ERC2: variants seen among roughly 807,000 people sequenced by gnomAD.
The protein encoded by ERC2 is ELKS/RAB6-interacting/CAST family member 2, also known as ERC protein 2.
In ERC2, 42 loss-of-function variants were observed where a neutral mutation model predicts 114.8. The observed-to-expected ratio is 0.37, with a 90% CI of 0.29 to 0.47. ERC2 has a LOEUF of 0.47. ERC2 is among the 20% of genes least tolerant of loss of function. ERC2 has a pLI of 0.99. For synonymous variants in ERC2, 454 were observed against 425.5 expected (o/e 1.07, Z -0.82); for missense variants, 939 against 1,150.7 (o/e 0.82, Z 2.66).
At chr3:56,005,438 C>T (rs1406775449) in intron 10 of ERC2, among the ~76,000 whole-genome samples, 1 of 152,046 alleles carries the variant, frequency 6.6e-6, no homozygotes, top group Non-Finnish European at 1.5e-5. Context: ...AGAAACTATA[C>T]TGAATTGCAT....
chr3:55,847,727 T>C (rs576203326), intron 14 of ERC2, among the ~76,000 whole-genome samples: 68 of 152,350 alleles, frequency 4.5e-4, no homozygotes, highest in Non-Finnish European at 8.5e-4. Context: ...TATTAAAATG[T>C]TAACAATGAT....
intron 14 of ERC2, among the ~76,000 whole-genome samples, chr3:55,815,876 A>G (rs915870403): frequency 1.3e-5 from 2 of 152,176 alleles, no homozygotes; most frequent in Non-Finnish European, 2.9e-5. Context: ...CTTCGTGAGT[A>G]AGCAGGTTAC....
intron 2 of ERC2, among the ~76,000 whole-genome samples, chr3:56,400,678 AC>A (rs780677577): frequency 9.9e-5 from 15 of 152,128 alleles, no homozygotes; most frequent in Non-Finnish European, 1.9e-4. Flanking sequence ...TTTTCTAAAA[AC>A]CAATTACTAT....
In ERC2 at chr3:56,043,564, T is replaced by TA. The variant is rs756488812; in HGVS notation, c.1642-24534dup. On this transcript the variant is annotated intron_variant, in intron 7 of 17. Coordinates refer to ENST00000288221, the MANE Select transcript of ERC2 (RefSeq NM_015576.3). The stretch of plus-strand genomic sequence containing the variant: ...ATTAAAAAGGAAGCAATAGGACAAG[T>TA]AAAAAAAAATCTTTTAAAATCTTTA... Among the ~76,000 whole-genome samples the TA allele has an allele frequency of 7.4e-4, 112 of 151,614 alleles. 1 individual carries two copies. The East Asian group carries it at 9.1e-3, about 12-fold the overall frequency.
chr3:56,441,441 A>G (rs1348193726), intron 1 of ERC2, among the ~76,000 whole-genome samples: 1 of 152,260 alleles, frequency 6.6e-6, no homozygotes, highest in Non-Finnish European at 1.5e-5. Context: ...GATTTTTGTT[A>G]CACAGCAAAA....
intron 4 of ERC2, among the ~76,000 whole-genome samples, chr3:56,153,445 A>G (rs2081536404): frequency 1.3e-5 from 2 of 152,212 alleles, no homozygotes; most frequent in South Asian, 2.1e-4. Flanking sequence ...AAATGACTGT[A>G]CATGTCCAGA....
At chr3:56,031,735 G>C (rs915307166) in intron 7 of ERC2, among the ~76,000 whole-genome samples, 1 of 152,038 alleles carries the variant, frequency 6.6e-6, no homozygotes. Flanking sequence ...AGAAAACACA[G>C]ACAACTAAAG....
intron 3 of ERC2, among the ~76,000 whole-genome samples, chr3:56,289,398 T>A (rs761314813): frequency 6.6e-6 from 1 of 152,144 alleles, no homozygotes; most frequent in Non-Finnish European, 1.5e-5. Context: ...TCTCTTCCCA[T>A]CCAATCCACT....
chr3:55,560,905 C>T (rs1279921720), intron 17 of ERC2, among the ~76,000 whole-genome samples: 1 of 152,166 alleles, frequency 6.6e-6, no homozygotes, highest in East Asian at 1.9e-4. Flanking sequence ...ACTGTCTTGG[C>T]AGATTATTGG....
chr3:55,836,280 C>G (rs1462688551), intron 14 of ERC2, among the ~76,000 whole-genome samples: 4 of 152,028 alleles, frequency 2.6e-5, no homozygotes, highest in South Asian at 2.1e-4. Context: ...AACCAAAAAA[C>G]AGCCCGCATT....
In ERC2 at chr3:56,040,622, G is replaced by A. The variant is rs890841340; in HGVS notation, c.1642-21591C>T. Among the ~76,000 whole-genome samples the A allele has an allele frequency of 5.0e-4, 46 of 91,140 alleles. 1 individual carries two copies. Among genetic ancestry groups the A allele is most frequent in the South Asian group, 2.1e-3 (6 of 2,826 alleles). The allele number at this position is 91,140 out of a possible 152,430, so 59.8% of individuals were successfully genotyped here. On this transcript the variant is annotated intron_variant, in intron 7 of 17. Coordinates refer to ENST00000288221, the MANE Select transcript of ERC2 (RefSeq NM_015576.3). ...ATATATGTATATATAATATATAGATGTATATGTATATATACATATATAGAT... is the reference window on the plus strand; with the variant it reads ...ATATATGTATATATAATATATAGATATATATGTATATATACATATATAGAT...
chr3:55,923,611 T>G (rs2065567566), intron 13 of ERC2, among the ~76,000 whole-genome samples: 1 of 152,186 alleles, frequency 6.6e-6, no homozygotes, highest in African/African-American at 2.4e-5. Context: ...TTTATAAATC[T>G]GTCTCTTCAG....
intron 4 of ERC2, among the ~76,000 whole-genome samples, chr3:56,168,020 A>T (rs1232860290): frequency 6.6e-6 from 1 of 152,154 alleles, no homozygotes; most frequent in Non-Finnish European, 1.5e-5. Context: ...TTCCAAAGTA[A>T]ATGTTGAAAG....
At chr3:56,028,477 T>A (rs2074181132) in intron 7 of ERC2, among the ~76,000 whole-genome samples, 1 of 152,148 alleles carries the variant, frequency 6.6e-6, no homozygotes, top group Non-Finnish European at 1.5e-5. Flanking sequence ...TTAGTTGTGC[T>A]CATTAACATT....
chr3:55,828,254 G>A (rs1488548841), intron 14 of ERC2, among the ~76,000 whole-genome samples: 3 of 152,226 alleles, frequency 2.0e-5, no homozygotes, highest in East Asian at 1.9e-4. Context: ...TAAACATTCC[G>A]GACAAAATAC....
At chr3:56,311,702 G>A (rs899987380) in intron 2 of ERC2, among the ~76,000 whole-genome samples, 4 of 151,514 alleles carry the variant, frequency 2.6e-5, no homozygotes, top group East Asian at 1.9e-4. Flanking sequence ...CTGATCTATC[G>A]AACCCTATGT....
At chr3:55,581,460 G>T (rs1301608035) in intron 17 of ERC2, among the ~76,000 whole-genome samples, 1 of 152,170 alleles carries the variant, frequency 6.6e-6, no homozygotes, top group Non-Finnish European at 1.5e-5. Flanking sequence ...CCAGAGGTGA[G>T]GTCTTTAGAT....
At chr3:56,072,391 G>A (rs546981822) in intron 7 of ERC2, 8 of 152,236 alleles carry the variant, frequency 5.3e-5, no homozygotes, top group Admixed American at 2.6e-4. Flanking sequence ...TCTTAGGTCC[G>A]GTGACATACT....
At chr3:55,542,223 A>T (rs2054444034) in intron 17 of ERC2, among the ~76,000 whole-genome samples, 1 of 152,196 alleles carries the variant, frequency 6.6e-6, no homozygotes, top group Non-Finnish European at 1.5e-5. Context: ...GGTGGAGGTC[A>T]CCACTCCCTT....
Sources: gnomAD v4.1 joint callset for allele counts (sites outside exome capture counted in the v4.1 genomes callset) on GRCh38, gnomAD v4.1.1 for gene constraint, MANE v1.5 for transcripts, NCBI Gene and HGNC (gene_info 2026-07-23, HGNC 2026-07-21) for gene names.